Variants in MAST4 observed in about 807,000 individuals in gnomAD.
MAST4 encodes the protein microtubule-associated serine/threonine-protein kinase 4.
In MAST4, 89 loss-of-function variants were observed where a neutral mutation model predicts 162.7. The ratio of observed to expected loss-of-function variants is 0.55; its 90% confidence interval spans 0.46 to 0.65. The LOEUF (loss-of-function observed/expected upper bound fraction) is 0.65. MAST4 is among the 30% of genes least tolerant of loss of function. MAST4 has a pLI of 0.00. For missense variants in MAST4, 3,153 were observed against 3,374.0 expected (o/e 0.93, Z 1.62); for synonymous variants, 1,479 against 1,361.1 (o/e 1.09, Z -1.91).
Position 67,144,574 on chromosome 5 carries a change from GT to G in MAST4, c.2731-93del, listed in dbSNP as rs1283163787. 4.7e-6 allele frequency: 6 copies of G among 1,274,254 alleles called. No individual in the cohort carries two copies. The African/African-American group carries it at 9.0e-5, about 19-fold the overall frequency. 78.9% of individuals were successfully genotyped at this position (1,274,254 alleles called of 1,614,324 possible). A position where few individuals can be genotyped will look rare whatever the true frequency, so the allele number is the denominator to read the frequency against. ...ATACACAATATTAGTTCAGAATTTA[GT>G]TATCCTCTCAGGTTTTTCTCCCAAG... On this transcript the variant is annotated intron_variant, in intron 21 of 28. Coordinates refer to ENST00000403625, the MANE Select transcript of MAST4 (RefSeq NM_001164664.2).
chr5:67,119,593 A>G (rs947173598), intron 13 of MAST4, among the ~76,000 whole-genome samples: 3 of 152,224 alleles, frequency 2.0e-5, no homozygotes, highest in African/African-American at 7.2e-5. Context: ...TGAGATTTTT[A>G]TGTAAAACGG....
chr5:67,137,598 A>G (rs558146172), intron 19 of MAST4, among the ~76,000 whole-genome samples: 125 of 152,320 alleles, frequency 8.2e-4, no homozygotes, highest in Non-Finnish European at 1.6e-3. Context: ...TATTTATTGT[A>G]TAGTATTCTC....
At chr5:66,751,024 C>A (rs998787004) in intron 1 of MAST4, among the ~76,000 whole-genome samples, 3 of 152,086 alleles carry the variant, frequency 2.0e-5, no homozygotes, top group Non-Finnish European at 1.5e-5. Context: ...AGGCACCCCC[C>A]AGCAGGGGCA....
At chr5:66,716,122 G>A (rs1286531688) in intron 1 of MAST4, among the ~76,000 whole-genome samples, 5 of 151,952 alleles carry the variant, frequency 3.3e-5, no homozygotes, top group African/African-American at 7.2e-5. Context: ...GAAATGGAAT[G>A]GAAATATAAA....
At chr5:66,956,441 G>T (rs570081494) in intron 4 of MAST4, among the ~76,000 whole-genome samples, 14 of 152,044 alleles carry the variant, frequency 9.2e-5, no homozygotes, top group Non-Finnish European at 2.1e-4. Flanking sequence ...GGGTTCTTTA[G>T]AGTCTACAAA....
At chr5:67,025,977 T>G (rs1236678803) in intron 4 of MAST4, among the ~76,000 whole-genome samples, 1 of 152,182 alleles carries the variant, frequency 6.6e-6, no homozygotes, top group African/African-American at 2.4e-5. Context: ...GTATAAAGAT[T>G]GTGTACTGCA....
chr5:66,866,575 G>A (rs1202727954), intron 3 of MAST4, among the ~76,000 whole-genome samples: 3 of 152,080 alleles, frequency 2.0e-5, no homozygotes, highest in African/African-American at 7.2e-5. Flanking sequence ...CTTACGTTCA[G>A]GGATCTCTTT....
intron 3 of MAST4, among the ~76,000 whole-genome samples, chr5:66,882,969 T>C (rs776199128): frequency 9.2e-5 from 14 of 152,062 alleles, no homozygotes; most frequent in Admixed American, 5.2e-4. Flanking sequence ...ACTTAGGAGG[T>C]AGACTATGAC....
rs1314069343 is a variant in MAST4 at position 67,166,038 on chromosome 5, C to G, written c.6859C>G (p.Gln2287Glu). The G allele has an allele frequency of 6.2e-7, 1 of 1,613,848 alleles. No individual in the cohort carries two copies. Among genetic ancestry groups the G allele is most frequent in the Admixed American group, 1.7e-5 (1 of 60,024 alleles). Residue 2287 changes from glutamine to glutamate, a missense_variant, in exon 29 of 29, where the codon CAA becomes GAA. This residue lies in a region of MAST4 where 1,644 missense variants were observed against 1,495.0 expected (regional missense o/e 1.10). Coordinates refer to ENST00000403625, the MANE Select transcript of MAST4 (RefSeq NM_001164664.2). ...TDRAPLDAKP[Q>E]PTSGGRPLEV... ...CAGGGCTCCTCTAGACGCCAAGCCA[C>G]AACCCACCAGTGGTGGGCGGCCCCT...
intron 6 of MAST4, among the ~76,000 whole-genome samples, chr5:67,091,687 A>G (rs1763882636): frequency 6.6e-6 from 1 of 152,230 alleles, no homozygotes; most frequent in Non-Finnish European, 1.5e-5. Context: ...GCATTTAAAC[A>G]TGACAGAAAT....
chr5:66,822,278 G>A (rs970800235), intron 3 of MAST4, among the ~76,000 whole-genome samples: 3 of 152,250 alleles, frequency 2.0e-5, no homozygotes, highest in Admixed American at 2.0e-4. Flanking sequence ...AGAGTGAGCA[G>A]CCTTGCCCTG....
intron 19 of MAST4, among the ~76,000 whole-genome samples, chr5:67,141,341 G>A (rs1770389388): frequency 6.6e-6 from 1 of 152,088 alleles, no homozygotes; most frequent in Non-Finnish European, 1.5e-5. Context: ...TGGTGGCAGG[G>A]CGGGGATCTG....
chr5:66,697,465 T>G (rs1192276825), intron 1 of MAST4, among the ~76,000 whole-genome samples: 1 of 152,212 alleles, frequency 6.6e-6, no homozygotes, highest in Non-Finnish European at 1.5e-5. Flanking sequence ...TTGTTGAGTT[T>G]TAGGGTAGTG....
At chr5:67,089,200 A>G (rs1441392567) in intron 5 of MAST4, among the ~76,000 whole-genome samples, 1 of 152,216 alleles carries the variant, frequency 6.6e-6, no homozygotes, top group African/African-American at 2.4e-5. Flanking sequence ...CACTTATTTA[A>G]ACCAGCTACA....
At chr5:67,032,147 G>T (rs1377893950) in intron 4 of MAST4, among the ~76,000 whole-genome samples, 1 of 152,096 alleles carries the variant, frequency 6.6e-6, no homozygotes, top group East Asian at 1.9e-4. Flanking sequence ...TGCTGTACCT[G>T]TAATCCATTT....
intron 4 of MAST4, among the ~76,000 whole-genome samples, chr5:67,053,253 C>T (rs1216556058): frequency 6.6e-6 from 1 of 152,148 alleles, no homozygotes; most frequent in African/African-American, 2.4e-5. Context: ...ACTCCCAAGT[C>T]TGTATTGCTG....
chr5:67,055,320 G>A (rs1238583086), intron 5 of MAST4, among the ~76,000 whole-genome samples: 1 of 152,140 alleles, frequency 6.6e-6, no homozygotes, highest in Non-Finnish European at 1.5e-5. Context: ...TTATAGGAAG[G>A]TATCTTCAGG....
chr5:66,869,711 T>C (rs748944645), intron 3 of MAST4, among the ~76,000 whole-genome samples: 3 of 152,198 alleles, frequency 2.0e-5, no homozygotes, highest in East Asian at 1.9e-4. Flanking sequence ...TATTGTAATA[T>C]AGAAATTGCA....
intron 3 of MAST4, among the ~76,000 whole-genome samples, chr5:66,796,938 T>C (rs77423638): frequency 0.049 from 7,454 of 152,294 alleles, 276 homozygotes; most frequent in South Asian, 0.13. Flanking sequence ...ATCTTAATTC[T>C]GTTTCTGTCA....
Sources: allele counts gnomAD v4.1 joint callset (sites outside exome capture counted in the v4.1 genomes callset), GRCh38; gene constraint gnomAD v4.1.1; regional missense constraint gnomAD v4.1.1; transcripts MANE v1.5; gene names NCBI Gene and HGNC (gene_info 2026-07-23, HGNC 2026-07-21).